NALF1: variants seen among roughly 807,000 people sequenced by gnomAD.
The protein encoded by NALF1 is family with sequence similarity 155 member A.
Under a neutral mutation model 48.4 loss-of-function variants are expected in NALF1, and 3 were observed. That is an observed-to-expected ratio of 0.06 (90% confidence interval 0.03 to 0.16). The LOEUF is 0.16. Ranked by LOEUF, NALF1 falls within the 10% of genes least tolerant of loss-of-function variation. The probability of loss-of-function intolerance (pLI) is 1.00; values close to 1 mark genes in which losing one functional copy is unlikely to be tolerated. For synonymous variants in NALF1, 262 were observed against 245.7 expected (o/e 1.07, Z -0.62); for missense variants, 526 against 571.5 (o/e 0.92, Z 0.81).
At chr13:107,172,158 C>T (rs1878820358) in intron 2 of NALF1, among the ~76,000 whole-genome samples, 1 of 152,234 alleles carries the variant, frequency 6.6e-6, no homozygotes, top group Non-Finnish European at 1.5e-5. Flanking sequence ...CTACATACTT[C>T]TCATTTATCC....
intron 1 of NALF1, among the ~76,000 whole-genome samples, chr13:107,275,774 AG>A (rs1881268114): frequency 6.6e-6 from 1 of 152,202 alleles, no homozygotes; most frequent in Non-Finnish European, 1.5e-5. Context: ...CTGAAATTCA[AG>A]GTTGTCAGGG....
At chr13:107,458,523 C>T (rs954066277) in intron 1 of NALF1, among the ~76,000 whole-genome samples, 7 of 152,124 alleles carry the variant, frequency 4.6e-5, no homozygotes, top group African/African-American at 1.2e-4. Context: ...GAAGTGCACG[C>T]CTGGGCAAAG....
rs183521728 is a variant in NALF1 at position 107,658,750 on chromosome 13, C to T, written c.915+206932G>A. Among the ~76,000 whole-genome samples, 35 of 152,200 alleles carry T rather than the reference C, an allele frequency of 2.3e-4. No individual in the cohort carries two copies. In the East Asian group the frequency reaches 6.4e-3, roughly 28 times the overall value. On this transcript the variant is annotated intron_variant, in intron 1 of 2. Transcript: ENST00000375915. ...CATTGAAGCCTTCTTACCCTTGACC[C>T]ACTCATCACTTCTTACCAGTGTTAT...
chr13:107,563,233 T>C (rs7332082), intron 1 of NALF1, among the ~76,000 whole-genome samples: 16,902 of 152,218 alleles, frequency 0.11, 1,211 homozygotes, highest in Admixed American at 0.19. Flanking sequence ...GAAGCTCAGC[T>C]GTGGATGACA....
intron 1 of NALF1, among the ~76,000 whole-genome samples, chr13:107,523,175 A>C (rs948058455): frequency 6.6e-6 from 1 of 152,100 alleles, no homozygotes; most frequent in African/African-American, 2.4e-5. Context: ...TATCATAAGG[A>C]GGGAGGAATT....
At chr13:107,390,442 C>A (rs936967220) in intron 1 of NALF1, among the ~76,000 whole-genome samples, 2 of 152,120 alleles carry the variant, frequency 1.3e-5, no homozygotes, top group Admixed American at 6.6e-5. Context: ...AGCTTATAAT[C>A]TTTTGAATTC....
chr13:107,667,546 AAC>A (rs1399161354), intron 1 of NALF1, among the ~76,000 whole-genome samples: 2 of 152,092 alleles, frequency 1.3e-5, no homozygotes, highest in African/African-American at 4.8e-5. Context: ...TGAGCATTCA[AAC>A]TAAATGATTT....
chr13:107,374,266 GTA>G (rs760630802), intron 1 of NALF1, among the ~76,000 whole-genome samples: 14 of 152,034 alleles, frequency 9.2e-5, no homozygotes, highest in Non-Finnish European at 1.9e-4. Context: ...TCCCTCTAAG[GTA>G]TGTGAGGAAA....
At chr13:107,838,500 G>A (rs1879964075) in intron 1 of NALF1, among the ~76,000 whole-genome samples, 1 of 152,142 alleles carries the variant, frequency 6.6e-6, no homozygotes, top group Non-Finnish European at 1.5e-5. Context: ...AAAGGAGACT[G>A]GAGATCACAT....
intron 1 of NALF1, among the ~76,000 whole-genome samples, chr13:107,492,410 T>C (rs1394606351): frequency 6.6e-6 from 1 of 152,164 alleles, no homozygotes. Flanking sequence ...TGGTACCAGA[T>C]TGATGGTCTA....
chr13:107,214,431 A>C (rs1879830460), intron 1 of NALF1, among the ~76,000 whole-genome samples: 1 of 152,196 alleles, frequency 6.6e-6, no homozygotes, highest in Non-Finnish European at 1.5e-5. Flanking sequence ...TTGCTTTTCT[A>C]TGTGTCACTG....
chr13:107,231,852 C>T (rs756595710), intron 1 of NALF1, among the ~76,000 whole-genome samples: 9 of 152,160 alleles, frequency 5.9e-5, no homozygotes, highest in Admixed American at 1.3e-4. Flanking sequence ...TTCTGCTGGT[C>T]GGACGACTGT....
At chr13:107,682,011 C>G (rs1018466886) in intron 1 of NALF1, among the ~76,000 whole-genome samples, 4 of 152,200 alleles carry the variant, frequency 2.6e-5, no homozygotes, top group Non-Finnish European at 5.9e-5. Context: ...CCCAGATGAC[C>G]TCCTGGTCTT....
chr13:107,191,277 G>T (rs568593191), intron 2 of NALF1, among the ~76,000 whole-genome samples: 1 of 151,322 alleles, frequency 6.6e-6, no homozygotes, highest in Admixed American at 6.6e-5. Flanking sequence ...AAAAAAAAAT[G>T]AGTTTGAAAT....
intron 1 of NALF1, among the ~76,000 whole-genome samples, chr13:107,459,568 C>T (rs7993745): frequency 0.39 from 59,088 of 151,846 alleles, 11,826 homozygotes; most frequent in Middle Eastern, 0.48. Flanking sequence ...TTATAGTACA[C>T]TGCACATATT....
At chr13:107,761,040 G>A (rs752668545) in intron 1 of NALF1, among the ~76,000 whole-genome samples, 1 of 152,150 alleles carries the variant, frequency 6.6e-6, no homozygotes, top group East Asian at 1.9e-4. Context: ...GTAGCCAAGA[G>A]TTAATGGGTT....
rs1046601592 is a variant in NALF1, at chr13:107,520,156, G to A, written c.916-309401C>T. Among the ~76,000 whole-genome samples the A allele has an allele frequency of 2.0e-5, 3 of 152,172 alleles. No homozygotes were observed. In the Middle Eastern group the frequency reaches 0.01, roughly 521 times the overall value. ...TAGCTCAAGTTATACTTTTAACATTGTTTTTGGGGGTTCAGAGAAATATAA... is the reference window on the plus strand; with the variant it reads ...TAGCTCAAGTTATACTTTTAACATTATTTTTGGGGGTTCAGAGAAATATAA... On this transcript the variant is annotated intron_variant, in intron 1 of 2. Coordinates refer to ENST00000375915, the MANE Select transcript of NALF1 (RefSeq NM_001080396.3).
At chr13:107,374,695 T>A (rs1022717499) in intron 1 of NALF1, among the ~76,000 whole-genome samples, 6 of 152,104 alleles carry the variant, frequency 3.9e-5, no homozygotes, top group Non-Finnish European at 1.5e-5. Context: ...CGGGTTGTAA[T>A]GGCAGGTGTT....
chr13:107,205,646 T>A (rs1879625081), intron 2 of NALF1, among the ~76,000 whole-genome samples: 1 of 152,164 alleles, frequency 6.6e-6, no homozygotes, highest in Non-Finnish European at 1.5e-5. Context: ...GAATGCAGAA[T>A]TTACATAGAA....
Sources: allele counts gnomAD v4.1 joint callset (sites outside exome capture counted in the v4.1 genomes callset), GRCh38; gene constraint gnomAD v4.1.1; transcripts MANE v1.5; gene names NCBI Gene and HGNC (gene_info 2026-07-23, HGNC 2026-07-21).